The following MAPK4 variants were observed in gnomAD, a reference collection of about 807,000 sequenced individuals.
MAPK4 encodes the protein Erk3-related.
Under a neutral mutation model 47.7 loss-of-function variants are expected in MAPK4, and 22 were observed. That is an observed-to-expected ratio of 0.46 (90% CI 0.33 to 0.66). The LOEUF (loss-of-function observed/expected upper bound fraction) is 0.66. Ranked by LOEUF, MAPK4 falls within the 30% of genes least tolerant of loss-of-function variation. The pLI is 0.02. For synonymous variants in MAPK4, 390 were observed against 365.7 expected, an observed-to-expected ratio of 1.07 and a Z score of -0.76; for missense variants, 736 against 831.7, an observed-to-expected ratio of 0.88 and a Z score of 1.42.
chr18:50,708,831 G>T (rs1451663407), intron 2 of MAPK4, among the ~76,000 whole-genome samples: 1 of 152,154 alleles, frequency 6.6e-6, no homozygotes, highest in East Asian at 1.9e-4. Flanking sequence ...GTGTGAGTAT[G>T]GACAGGCTGC....
intron 1 of MAPK4, among the ~76,000 whole-genome samples, chr18:50,574,626 AG>A (rs1361760130): frequency 1.3e-5 from 2 of 152,214 alleles, no homozygotes; most frequent in African/African-American, 2.4e-5. Flanking sequence ...GGCAAAAATC[AG>A]GTCATGCTAA....
At chr18:50,606,931 G>C (rs781405288) in intron 1 of MAPK4, among the ~76,000 whole-genome samples, 1 of 152,122 alleles carries the variant, frequency 6.6e-6, no homozygotes, top group Non-Finnish European at 1.5e-5. Context: ...GCCTGTGTCA[G>C]GCTGGGACCC....
At chr18:50,598,940 G>A (rs1018327297) in intron 1 of MAPK4, among the ~76,000 whole-genome samples, 4 of 152,156 alleles carry the variant, frequency 2.6e-5, no homozygotes, top group African/African-American at 9.7e-5. Flanking sequence ...GGGGATACAT[G>A]ATATCCCCAT....
At chr18:50,703,284 A>G (rs1909883615) in intron 2 of MAPK4, among the ~76,000 whole-genome samples, 1 of 152,150 alleles carries the variant, frequency 6.6e-6, no homozygotes, top group African/African-American at 2.4e-5. Flanking sequence ...TCCTTCCTCC[A>G]GTAACCTGCA....
At chr18:50,725,335 G>A (rs1008518589) in intron 4 of MAPK4, among the ~76,000 whole-genome samples, 15 of 152,198 alleles carry the variant, frequency 9.9e-5, no homozygotes, top group African/African-American at 3.6e-4. Context: ...GGGCTGTGGA[G>A]ACCCTGTCCC....
chr18:50,722,013 T>C lies in MAPK4; in HGVS notation c.767T>C (p.Leu256Pro). 1.9e-6 allele frequency: 3 copies of C among 1,614,036 alleles called. No individual in the cohort carries two copies. Among genetic ancestry groups the C allele is most frequent in the South Asian group, 1.1e-5 (1 of 91,032 alleles). The change falls in exon 4 of 6, where the codon CTG (leucine) becomes CCG (proline). Residue 256 changes from leucine (L) to proline (P), a missense_variant. Leu to Pro is a moderately conservative substitution (Grantham distance 98). Transcript: ENST00000400384. ...ATCCGGGAGGAAGACAAGGACGAGC[T>C]GCTCAGGGTGATGCCTTCCTTTGTC... is the stretch of plus-strand genomic sequence containing the variant. Reference protein sequence around the residue: ...PVIREEDKDELLRVMPSFVSS... With the variant: ...PVIREEDKDEPLRVMPSFVSS...
intron 1 of MAPK4, among the ~76,000 whole-genome samples, chr18:50,643,207 T>C (rs1485594683): frequency 2.6e-5 from 4 of 152,258 alleles, no homozygotes; most frequent in African/African-American, 4.8e-5. Flanking sequence ...ATTTATATTA[T>C]GAATTTATTT....
chr18:50,575,758 C>T (rs191309218), intron 1 of MAPK4, among the ~76,000 whole-genome samples: 71 of 123,548 alleles, frequency 5.7e-4, no homozygotes, highest in African/African-American at 2.1e-3. Flanking sequence ...CAATAATATC[C>T]AGAATCTATT....
chr18:50,718,648 G>A lies in MAPK4; in HGVS notation c.692-3290G>A, dbSNP rs146311901. Reference sequence around the variant, plus strand: ...CACAGCAATGAGGGAATTATTCAGTGCTATGCTGGGCTAGTCACTCTTTCA... The same window carrying A: ...CACAGCAATGAGGGAATTATTCAGTACTATGCTGGGCTAGTCACTCTTTCA... On this transcript the variant is annotated intron_variant, in intron 3 of 5. Coordinates refer to ENST00000400384, the MANE Select transcript of MAPK4 (RefSeq NM_002747.4). 2.1e-3 allele frequency among the ~76,000 whole-genome samples: 321 copies of A among 152,268 alleles called. 3 individuals carry two copies. The highest frequency in any genetic ancestry group is 6.8e-3 in the Middle Eastern group (2 of 294).
rs745586840 is a variant in MAPK4 at position 50,664,143 on chromosome 18, C to T, written c.185C>T (p.Ala62Val). 2.1e-5 allele frequency: 34 copies of T among 1,614,008 alleles called. No individual in the cohort carries two copies. The highest frequency in any genetic ancestry group is 1.1e-4 in the African/African-American group (8 of 74,914). The change falls in exon 2 of 6, where the codon GCG (alanine) becomes GTG (valine). Residue 62 changes from alanine to valine, a missense_variant. Ala to Val is a moderately conservative substitution (Grantham distance 64). Transcript: ENST00000400384. The surrounding 1 kb of genome is among the most constrained non-coding windows in gnomAD (Gnocchi z 6.0). ...ALSDARSMKH[A>V]LREIKIIRRL... Reference sequence around the variant, plus strand: ...AGCGATGCCCGCAGCATGAAGCACGCGCTCCGAGAGATCAAGATCATTCGG... The same window carrying T: ...AGCGATGCCCGCAGCATGAAGCACGTGCTCCGAGAGATCAAGATCATTCGG...
intron 2 of MAPK4, among the ~76,000 whole-genome samples, chr18:50,713,342 T>G (rs1323881159): frequency 6.6e-6 from 1 of 152,250 alleles, no homozygotes; most frequent in African/African-American, 2.4e-5. Context: ...AAGGCATAAG[T>G]GGCTATCAAC....
intron 2 of MAPK4, among the ~76,000 whole-genome samples, chr18:50,700,744 T>A (rs2144380747): frequency 6.6e-6 from 1 of 152,248 alleles, no homozygotes; most frequent in South Asian, 2.1e-4. Context: ...GGTGCATTGC[T>A]AAGTGTGAAG....
intron 2 of MAPK4, among the ~76,000 whole-genome samples, chr18:50,673,733 G>C (rs1028308279): frequency 1.3e-5 from 2 of 152,122 alleles, no homozygotes; most frequent in Non-Finnish European, 1.5e-5. Context: ...GCGGGCGCCT[G>C]TAGTCCCAGC....
At chr18:50,601,000 G>A (rs887809176) in intron 1 of MAPK4, among the ~76,000 whole-genome samples, 2 of 151,474 alleles carry the variant, frequency 1.3e-5, no homozygotes, top group Non-Finnish European at 2.9e-5. Context: ...GCTCACTCCT[G>A]TAATCCCAGC....
chr18:50,703,411 C>T (rs7240639), intron 2 of MAPK4, among the ~76,000 whole-genome samples: 1,634 of 152,334 alleles, frequency 0.011, 29 homozygotes, highest in African/African-American at 0.037. Flanking sequence ...TAACACGCAG[C>T]CACCTGCCTT....
At position 50,729,848 on chromosome 18, in the gene MAPK4, G is replaced by C. The variant is rs1276345326; in HGVS notation, c.1758G>C (p.Arg586Ser). The C allele has an allele frequency of 1.2e-6, 2 of 1,609,794 alleles. No individual in the cohort carries two copies. Among genetic ancestry groups the C allele is most frequent in the Non-Finnish European group, 1.7e-6 (2 of 1,178,268 alleles). The change falls in exon 6 of 6, where the codon AGG (arginine) becomes AGC (serine). Residue 586 changes from arginine (R) to serine (S), a missense_variant. Arg to Ser is a moderately radical substitution (Grantham distance 110). Transcript: ENST00000400384. ...LVQTEAFSKE[R>S]W ...AGACCGAGGCCTTCTCCAAAGAAAG[G>C]TGGTGAGGGCGGAGGGGCCGCTCCA... is the stretch of plus-strand genomic sequence containing the variant.
At position 50,664,492 on chromosome 18, in the gene MAPK4, T is replaced by A; in HGVS notation, c.534T>A (p.His178Gln). 1 of 1,593,848 alleles carries A rather than the reference T, an allele frequency of 6.3e-7. No homozygotes were observed. The highest frequency in any genetic ancestry group is 1.1e-5 in the South Asian group (1 of 88,178). The change falls in exon 2 of 6, where the codon CAT (histidine) becomes CAA (glutamine). Residue 178 changes from histidine (H) to glutamine (Q), a missense_variant. Coordinates refer to ENST00000400384, the MANE Select transcript of MAPK4 (RefSeq NM_002747.4). This position sits in a 1 kb window ranked among gnomAD's most constrained non-coding sequence, Gnocchi z 6.0. ...GGTTGGCAAGGATCGTTGATCAGCA[T>A]TACTCCCACAAGGTATGTCTGGCTG... ...DFGLARIVDQ[H>Q]YSHKGYLSEG...
chr18:50,701,113 C>G (rs1195521413), intron 2 of MAPK4, among the ~76,000 whole-genome samples: 2 of 152,134 alleles, frequency 1.3e-5, no homozygotes, highest in African/African-American at 4.8e-5. Flanking sequence ...TAGATTACTT[C>G]AAAGAAGGTT....
chr18:50,700,361 C>G (rs1909723789), intron 2 of MAPK4, among the ~76,000 whole-genome samples: 1 of 152,170 alleles, frequency 6.6e-6, no homozygotes, highest in African/African-American at 2.4e-5. Context: ...CAAACAACAA[C>G]AACAAAATAC....
Sources: gnomAD v4.1 joint callset for allele counts (sites outside exome capture counted in the v4.1 genomes callset) on GRCh38, gnomAD v4.1.1 for gene constraint, Gnocchi (gnomAD v3.1) non-coding constraint, MANE v1.5 for transcripts, NCBI Gene and HGNC (gene_info 2026-07-23, HGNC 2026-07-21) for gene names.